Variants in TBC1D9B observed in about 807,000 individuals in gnomAD.
TBC1D9B encodes the protein TBC1 domain family, member 9B (with GRAM domain).
Under a neutral mutation model 121.1 loss-of-function variants are expected in TBC1D9B, and 87 were observed. That is an observed-to-expected ratio of 0.72 (90% CI 0.60 to 0.86). TBC1D9B has a LOEUF of 0.86. Ranked by LOEUF, TBC1D9B falls within the 40% of genes least tolerant of loss-of-function variation. TBC1D9B has a pLI of 0.00. For missense variants in TBC1D9B, 1,540 were observed against 1,628.6 expected (o/e 0.95, Z 0.94); for synonymous variants, 668 against 670.1 (o/e 1.00, Z 0.05).
At position 179,862,879 on chromosome 5, in the gene TBC1D9B, G is replaced by T; in HGVS notation, c.*569C>A. 1 of 327,570 alleles carries T rather than the reference G, an allele frequency of 3.1e-6. No homozygotes were observed. Among genetic ancestry groups the T allele is most frequent in the South Asian group, 2.4e-5 (1 of 42,202 alleles). 20.3% of individuals were successfully genotyped at this position (327,570 alleles called of 1,614,324 possible). On this transcript the variant is annotated 3_prime_UTR_variant, in exon 21 of 21. Coordinates refer to ENST00000355235, the MANE Select transcript of TBC1D9B (RefSeq NM_015043.4). Reference sequence around the variant, plus strand: ...AAAGGATGATGAGCTGAGAGCACGTGTACAGCCACGCCTGTGCGCAGCGCC... The same window carrying T: ...AAAGGATGATGAGCTGAGAGCACGTTTACAGCCACGCCTGTGCGCAGCGCC...
intron 18 of TBC1D9B, chr5:179,867,365 C>A: frequency 6.9e-7 from 1 of 1,446,214 alleles, no homozygotes; most frequent in Non-Finnish European, 9.3e-7. Context: ...GTCCCTGGGA[C>A]AAAGAGCTTC....
chr5:179,863,420 C>T lies in TBC1D9B; in HGVS notation c.*28G>A, dbSNP rs746569388. On this transcript the variant is annotated 3_prime_UTR_variant, in exon 21 of 21. Transcript: ENST00000355235. The surrounding 1 kb of genome is among the most constrained non-coding windows in gnomAD (Gnocchi z 4.5). Reference sequence around the variant, plus strand: ...ATGAGGCCAGCCCCACTGATGACACCTTGGGCCAGGCCTCACAGCTGCAGG... The same window carrying T: ...ATGAGGCCAGCCCCACTGATGACACTTTGGGCCAGGCCTCACAGCTGCAGG... The T allele has an allele frequency of 1.9e-6, 3 of 1,602,042 alleles. No homozygotes were observed. Among genetic ancestry groups the T allele is most frequent in the Admixed American group, 1.7e-5 (1 of 59,286 alleles).
Position 179,907,691 on chromosome 5 carries a change from G to T in TBC1D9B, c.118+13C>A. ...GCGGCGCCCACAGGCCCGGCCGCCC[G>T]CGCGCCTCTCACCCGTAAGGCCGCC... On this transcript the variant is annotated intron_variant, in intron 1 of 20. Coordinates refer to ENST00000355235, the MANE Select transcript of TBC1D9B (RefSeq NM_015043.4). The surrounding 1 kb of genome is among the most constrained non-coding windows in gnomAD (Gnocchi z 5.3). 1 of 1,090,618 alleles carries T rather than the reference G, an allele frequency of 9.2e-7. No individual in the cohort carries two copies. The highest frequency in any genetic ancestry group is 2.2e-5 in the South Asian group (1 of 45,904). 67.6% of individuals were successfully genotyped at this position (1,090,618 alleles called of 1,614,324 possible).
At chr5:179,903,688 C>T (rs978911699) in intron 2 of TBC1D9B, among the ~76,000 whole-genome samples, 1 of 152,214 alleles carries the variant, frequency 6.6e-6, no homozygotes, top group African/African-American at 2.4e-5. Context: ...CTATCACTCA[C>T]GCCTGAATGA....
Position 179,891,446 on chromosome 5 carries a change from G to C in TBC1D9B, c.977C>G (p.Ser326Cys). 6.2e-7 allele frequency: 1 copy of C among 1,614,258 alleles called. No individual in the cohort carries two copies. Among genetic ancestry groups the C allele is most frequent in the South Asian group, 1.1e-5 (1 of 91,086 alleles). Reference protein sequence around the residue: ...KLHIPGQMFISNNYICFASKE... With the variant: ...KLHIPGQMFICNNYICFASKE... Reference sequence around the variant, plus strand: ...GCTGGCGAAGCAGATGTAGTTGTTGGAGATGAACATCTGGCCAGGGATGTG... The same window carrying C: ...GCTGGCGAAGCAGATGTAGTTGTTGCAGATGAACATCTGGCCAGGGATGTG... The change falls in exon 6 of 21, where the codon TCC (serine) becomes TGC (cysteine). Residue 326 changes from serine to cysteine, a missense_variant. Ser to Cys is a moderately radical substitution (Grantham distance 112). Coordinates refer to ENST00000355235, the MANE Select transcript of TBC1D9B (RefSeq NM_015043.4). This position sits in a 1 kb window ranked among gnomAD's most constrained non-coding sequence, Gnocchi z 4.3.
intron 10 of TBC1D9B, among the ~76,000 whole-genome samples, chr5:179,877,320 G>GC (rs1760387916): frequency 6.6e-6 from 1 of 151,716 alleles, no homozygotes; most frequent in South Asian, 2.1e-4. Context: ...GGACAACATA[G>GC]CAAGACCCTG....
Position 179,904,350 on chromosome 5 carries a change from G to A in TBC1D9B, c.229+352C>T, listed in dbSNP as rs1385969060. The stretch of plus-strand genomic sequence containing the variant: ...CGCCATTCTCCTGCCTCAGCCTCCC[G>A]AGTAGCTGGGACTACAGGCCTCCGC... On this transcript the variant is annotated intron_variant, in intron 2 of 20. Coordinates refer to ENST00000355235, the MANE Select transcript of TBC1D9B (RefSeq NM_015043.4). This position sits in a 1 kb window ranked among gnomAD's most constrained non-coding sequence, Gnocchi z 4.2. Among the ~76,000 whole-genome samples, 2 of 150,810 alleles carry A rather than the reference G, an allele frequency of 1.3e-5. No individual in the cohort carries two copies. Among genetic ancestry groups the A allele is most frequent in the East Asian group, 3.9e-4 (2 of 5,084 alleles).
Position 179,896,109 on chromosome 5 carries a change from A to T in TBC1D9B, c.349-1495T>A, listed in dbSNP as rs574236765. 2.0e-5 allele frequency among the ~76,000 whole-genome samples: 3 copies of T among 152,284 alleles called. No homozygotes were observed. The East Asian group carries it at 5.8e-4, about 29-fold the overall frequency. ...CTTCTCACAGTTTCCTGCCCTTGGA[A>T]GCATAAGCTGTTTTCGTCTGTCCTG... is the stretch of plus-strand genomic sequence containing the variant. On this transcript the variant is annotated intron_variant, in intron 3 of 20. Transcript: ENST00000355235.
chr5:179,865,951 T>C lies in TBC1D9B; in HGVS notation c.2864-63A>G. On this transcript the variant is annotated intron_variant, in intron 18 of 20. Transcript: ENST00000355235. The surrounding 1 kb of genome is among the most constrained non-coding windows in gnomAD (Gnocchi z 5.1). ...TTCTGCTGTTGGGACTGCAAGCTCC[T>C]GGGGTCCTTGAGATGTAGTCTGTGT... The C allele has an allele frequency of 6.3e-7, 1 of 1,596,016 alleles. No individual in the cohort carries two copies. Among genetic ancestry groups the C allele is most frequent in the South Asian group, 1.1e-5 (1 of 90,640 alleles).
At chr5:179,869,721 C>T (rs1303008417) in intron 17 of TBC1D9B, 48 bp downstream of exon 17, 6 of 1,603,068 alleles carry the variant, frequency 3.7e-6, no homozygotes, top group South Asian at 1.1e-5. Flanking sequence ...AGCTGAACTT[C>T]TGGACAAGTG....
In TBC1D9B at chr5:179,890,698, A is replaced by G. The variant is rs1031863189; in HGVS notation, c.1044+681T>C. ...AACAGTCAGAGCCCTGCTTGGCCAC[A>G]AGGAAAAGGAGGCCTTGGGACCTGT... On this transcript the variant is annotated intron_variant, in intron 6 of 20. Coordinates refer to ENST00000355235, the MANE Select transcript of TBC1D9B (RefSeq NM_015043.4). The surrounding 1 kb of genome is among the most constrained non-coding windows in gnomAD (Gnocchi z 5.0). Among the ~76,000 whole-genome samples, 2 of 152,190 alleles carry G rather than the reference A, an allele frequency of 1.3e-5. No homozygotes were observed. The highest frequency in any genetic ancestry group is 4.8e-5 in the African/African-American group (2 of 41,436).
intron 14 of TBC1D9B, 145 bp downstream of exon 14, chr5:179,872,747 C>T (rs979190900): frequency 2.8e-4 from 205 of 733,890 alleles, no homozygotes; most frequent in Non-Finnish European, 2.4e-4. Context: ...CCCTGGATCC[C>T]GGTCCCATGA....
At position 179,891,288 on chromosome 5, in the gene TBC1D9B, G is replaced by A; in HGVS notation, c.1044+91C>T. 6.8e-7 allele frequency: 1 copy of A among 1,461,532 alleles called. No individual in the cohort carries two copies. Among genetic ancestry groups the A allele is most frequent in the Non-Finnish European group, 9.5e-7 (1 of 1,053,790 alleles). The allele number at this position is 1,461,532 out of a possible 1,614,324, so 90.5% of individuals were successfully genotyped here. On this transcript the variant is annotated intron_variant, in intron 6 of 20. Coordinates refer to ENST00000355235, the MANE Select transcript of TBC1D9B (RefSeq NM_015043.4). This position sits in a 1 kb window ranked among gnomAD's most constrained non-coding sequence, Gnocchi z 4.3. Reference sequence around the variant, plus strand: ...GGCATCCTCCCAGGTACCCCCCAGTGAGACAGGGCAGAGCAGGACAGGCTG... The same window carrying A: ...GGCATCCTCCCAGGTACCCCCCAGTAAGACAGGGCAGAGCAGGACAGGCTG...
chr5:179,894,682 G>A (rs1444073654), intron 3 of TBC1D9B, 68 bp from the exon 4 acceptor site: 3 of 1,536,440 alleles, frequency 2.0e-6, no homozygotes, highest in East Asian at 2.3e-5. Context: ...GTGGAGCAGA[G>A]AGGCCCAGGG....
intron 6 of TBC1D9B, among the ~76,000 whole-genome samples, chr5:179,889,069 G>A (rs540517308): frequency 3.0e-4 from 45 of 151,686 alleles, no homozygotes; most frequent in African/African-American, 9.9e-4. Flanking sequence ...TCTCGCTGTC[G>A]CCCAGGCTGG....
chr5:179,867,563 G>T (rs420950), intron 18 of TBC1D9B: 2 of 1,537,600 alleles, frequency 1.3e-6, no homozygotes, highest in East Asian at 4.9e-5. Flanking sequence ...GGAAGACAGA[G>T]ACACAAGAGA....
chr5:179,874,940 G>T lies in TBC1D9B; in HGVS notation c.2148C>A (p.Gly716=). 1.9e-6 allele frequency: 3 copies of T among 1,613,646 alleles called. No homozygotes were observed. Among genetic ancestry groups the T allele is most frequent in the Middle Eastern group, 3.3e-4 (2 of 6,062 alleles). Residue 716 remains glycine, a synonymous_variant, in exon 12 of 21, where the codon GGC becomes GGA. Transcript: ENST00000355235. The surrounding 1 kb of genome is among the most constrained non-coding windows in gnomAD (Gnocchi z 4.3). ...TCATGGCCTCGCCCTCGTCGCTGCA[G>T]CCCAGCAGCTGCTCCATGTTGGCGT... ...VLDANMEQLL[G]CSDEGEAMTM... is the part of the protein sequence containing the mutation.
Position 179,865,688 on chromosome 5 carries a change from G to C in TBC1D9B, c.2914+150C>G. On this transcript the variant is annotated intron_variant, in intron 19 of 20. Coordinates refer to ENST00000355235, the MANE Select transcript of TBC1D9B (RefSeq NM_015043.4). This position sits in a 1 kb window ranked among gnomAD's most constrained non-coding sequence, Gnocchi z 5.1. ...GCTGGTGGAGAGCGTGGAGCCTCCT[G>C]TGCATCCCGAGGCCTGCTCCCTGAT... is the stretch of plus-strand genomic sequence containing the variant. The C allele has an allele frequency of 1.1e-6, 1 of 881,946 alleles. No homozygotes were observed. The highest frequency in any genetic ancestry group is 1.8e-6 in the Non-Finnish European group (1 of 570,006). The allele number at this position is 881,946 out of a possible 1,614,324, so 54.6% of individuals were successfully genotyped here.
At position 179,886,080 on chromosome 5, in the gene TBC1D9B, C is replaced by T. The variant is rs555512424; in HGVS notation, c.1254+2023G>A. ...CCCCTGCTTCTTTCGAGTTTCTCCT[C>T]CAGTGCTGCCTGATCAGAGAGGTTG... On this transcript the variant is annotated intron_variant, in intron 7 of 20. Transcript: ENST00000355235. 1.4e-3 allele frequency among the ~76,000 whole-genome samples: 206 copies of T among 152,332 alleles called. 1 individual carries two copies. Among genetic ancestry groups the T allele is most frequent in the Non-Finnish European group, 1.9e-3 (126 of 68,032 alleles).
Sources: gnomAD v4.1 joint callset for allele counts (sites outside exome capture counted in the v4.1 genomes callset) on GRCh38, gnomAD v4.1.1 for gene constraint, Gnocchi (gnomAD v3.1) non-coding constraint, MANE v1.5 for transcripts, NCBI Gene and HGNC (gene_info 2026-07-23, HGNC 2026-07-21) for gene names.